The following GSX1 variants were observed in gnomAD, a reference collection of about 807,000 sequenced individuals.
The protein encoded by GSX1 is GS homeobox 1.
Under a neutral mutation model 17.7 loss-of-function variants are expected in GSX1, and 13 were observed. The observed-to-expected ratio is 0.74, with a 90% CI of 0.48 to 1.17. The LOEUF (loss-of-function observed/expected upper bound fraction) is 1.17. Among genes scored for constraint, GSX1 ranks in the 50% most tolerant of loss-of-function variants. GSX1 has a pLI of 0.00. For synonymous variants in GSX1, 202 were observed against 176.2 expected (o/e 1.15, Z -1.16); for missense variants, 371 against 372.1 (o/e 1.00, Z 0.02).
At position 27,793,112 on chromosome 13, in the gene GSX1, G is replaced by A; in HGVS notation, c.412+10G>A. On this transcript the variant is annotated intron_variant, in intron 1 of 1. Coordinates refer to ENST00000302945, the MANE Select transcript of GSX1 (RefSeq NM_145657.3). This position sits in a 1 kb window ranked among gnomAD's most constrained non-coding sequence, Gnocchi z 6.2. ...CACTGCATCTCTGTGGGTAAGCGGGGCCGCCGCGCAGAGGGACCGGGCAGA... is the reference window on the plus strand; with the variant it reads ...CACTGCATCTCTGTGGGTAAGCGGGACCGCCGCGCAGAGGGACCGGGCAGA... 1 of 1,525,272 alleles carries A rather than the reference G, an allele frequency of 6.6e-7. No homozygotes were observed. The highest frequency in any genetic ancestry group is 8.8e-7 in the Non-Finnish European group (1 of 1,142,628). 94.5% of individuals were successfully genotyped at this position (1,525,272 alleles called of 1,614,324 possible).
rs751775480 is a variant in GSX1 at position 27,793,810 on chromosome 13, C to A, written c.657C>A (p.Ala219=). The A allele has an allele frequency of 3.1e-6, 5 of 1,613,322 alleles. No individual in the cohort carries two copies. In the African/African-American group the frequency reaches 5.3e-5, roughly 17 times the overall value. Residue 219 remains alanine (A), a synonymous_variant, in exon 2 of 2, where the codon GCC becomes GCA. Transcript: ENST00000302945. This position sits in a 1 kb window ranked among gnomAD's most constrained non-coding sequence, Gnocchi z 6.2. The part of the protein sequence containing the change: ...SNHRGGGGGG[A]GGGGSAPQGC... The stretch of plus-strand genomic sequence containing the variant: ...ATCGTGGCGGCGGCGGCGGGGGTGC[C>A]GGTGGTGGCGGGAGCGCACCGCAAG...
Position 27,792,660 on chromosome 13 carries a change from G to T in GSX1, c.-31G>T. On this transcript the variant is annotated 5_prime_UTR_variant, in exon 1 of 2. Transcript: ENST00000302945. ...AAGGTGCGGTGGGCGCAGAGGGCGG[G>T]CTGGCTGCGGGGCGACCGCGCGCCG... is the stretch of plus-strand genomic sequence containing the variant. 1 of 1,350,994 alleles carries T rather than the reference G, an allele frequency of 7.4e-7. No homozygotes were observed. Among genetic ancestry groups the T allele is most frequent in the Non-Finnish European group, 9.4e-7 (1 of 1,059,046 alleles). 83.7% of individuals were successfully genotyped at this position (1,350,994 alleles called of 1,614,324 possible). A position where few individuals can be genotyped will look rare whatever the true frequency, so the allele number is the denominator to read the frequency against.
Position 27,793,184 on chromosome 13 carries a change from C to T in GSX1, c.412+82C>T, listed in dbSNP as rs1424391634. 2.2e-6 allele frequency: 3 copies of T among 1,380,584 alleles called. No homozygotes were observed. Among genetic ancestry groups the T allele is most frequent in the Admixed American group, 2.9e-5 (1 of 34,584 alleles). 85.5% of individuals were successfully genotyped at this position (1,380,584 alleles called of 1,614,324 possible). ...GAGCCAGAGATGGAGGAAGAGGGAC[C>T]CTGGGCTTTCTGGGGGCGGTGAGGG... is the stretch of plus-strand genomic sequence containing the variant. On this transcript the variant is annotated intron_variant, in intron 1 of 1. Transcript: ENST00000302945. The surrounding 1 kb of genome is among the most constrained non-coding windows in gnomAD (Gnocchi z 6.2).
At position 27,793,705 on chromosome 13, in the gene GSX1, G is replaced by A. The variant is rs1211656327; in HGVS notation, c.552G>A (p.Leu184=). 1 of 1,614,202 alleles carries A rather than the reference G, an allele frequency of 6.2e-7. No homozygotes were observed. The highest frequency in any genetic ancestry group is 8.5e-7 in the Non-Finnish European group (1 of 1,180,028). The change falls in exon 2 of 2, where the codon CTG becomes CTA. Residue 184 remains leucine, a synonymous_variant. Transcript: ENST00000302945. This position sits in a 1 kb window ranked among gnomAD's most constrained non-coding sequence, Gnocchi z 6.2. Reference sequence around the variant, plus strand: ...GTCGCATCGAGATCGCGACCTACCTGAATCTGTCCGAGAAGCAGGTGAAGA... The same window carrying A: ...GTCGCATCGAGATCGCGACCTACCTAAATCTGTCCGAGAAGCAGGTGAAGA... ...RLRRIEIATY[L]NLSEKQVKIW... is the part of the protein sequence containing the mutation.
rs1352665819 is a variant in GSX1 at position 27,793,768 on chromosome 13, G to A, written c.615G>A (p.Glu205=). The change falls in exon 2 of 2, where the codon GAG becomes GAA. Residue 205 remains glutamate (E), a synonymous_variant. Coordinates refer to ENST00000302945, the MANE Select transcript of GSX1 (RefSeq NM_145657.3). The surrounding 1 kb of genome is among the most constrained non-coding windows in gnomAD (Gnocchi z 6.2). ...ACCGCCGAGTGAAGCACAAGAAGGA[G>A]GGCAAGGGCAGCAACCATCGTGGCG... The part of the protein sequence containing the change: ...FQNRRVKHKK[E]GKGSNHRGGG... 1.2e-6 allele frequency: 2 copies of A among 1,614,206 alleles called. No individual in the cohort carries two copies. Among genetic ancestry groups the A allele is most frequent in the Non-Finnish European group, 8.5e-7 (1 of 1,180,034 alleles).
Position 27,793,849 on chromosome 13 carries a change from A to T in GSX1, c.696A>T (p.Ala232=). ...GCGCACCGCAAGGCTGCAAGTGCGCATCGCTCTCCTCAGCCAAGTGCTCCG... is the reference window on the plus strand; with the variant it reads ...GCGCACCGCAAGGCTGCAAGTGCGCTTCGCTCTCCTCAGCCAAGTGCTCCG... ...GGSAPQGCKC[A]SLSSAKCSED... Residue 232 remains alanine (A), a synonymous_variant, in exon 2 of 2, where the codon GCA becomes GCT. Transcript: ENST00000302945. The surrounding 1 kb of genome is among the most constrained non-coding windows in gnomAD (Gnocchi z 6.2). 6.2e-7 allele frequency: 1 copy of T among 1,610,452 alleles called. No individual in the cohort carries two copies.
chr13:27,793,675 C>A lies in GSX1; in HGVS notation c.522C>A (p.Arg174=). 2 of 1,614,226 alleles carry A rather than the reference C, an allele frequency of 1.2e-6. No individual in the cohort carries two copies. The highest frequency in any genetic ancestry group is 1.7e-6 in the Non-Finnish European group (2 of 1,180,042). Residue 174 remains arginine, a synonymous_variant, in exon 2 of 2, where the codon CGC becomes CGA. Transcript: ENST00000302945. This position sits in a 1 kb window ranked among gnomAD's most constrained non-coding sequence, Gnocchi z 6.2. The part of the protein sequence containing the change: ...REFASNMYLS[R]LRRIEIATYL... ...TCGCTTCTAATATGTACCTGTCCCG[C>A]CTACGTCGCATCGAGATCGCGACCT...
chr13:27,793,644 G>A lies in GSX1; in HGVS notation c.491G>A (p.Arg164His), dbSNP rs367810809. Reference protein sequence around the residue: ...FTSTQLLELEREFASNMYLSR... With the variant: ...FTSTQLLELEHEFASNMYLSR... ...AGCACGCAGCTGCTAGAGCTGGAGCGCGAGTTCGCTTCTAATATGTACCTG... is the reference window on the plus strand; with the variant it reads ...AGCACGCAGCTGCTAGAGCTGGAGCACGAGTTCGCTTCTAATATGTACCTG... Residue 164 changes from arginine to histidine, a missense_variant, in exon 2 of 2, where the codon CGC (arginine) becomes CAC (histidine). Transcript: ENST00000302945. The surrounding 1 kb of genome is among the most constrained non-coding windows in gnomAD (Gnocchi z 6.2). The A allele has an allele frequency of 4.3e-6, 7 of 1,614,076 alleles. No individual in the cohort carries two copies. The African/African-American group carries it at 5.3e-5, about 12-fold the overall frequency.
rs1957081839 is a variant in GSX1, at chr13:27,793,787, CGTGGCGGCGGCGGCGGGG to C, written c.638_655del (p.Gly213_Gly218del). The C allele has an allele frequency of 6.2e-7, 1 of 1,613,876 alleles. No homozygotes were observed. The highest frequency in any genetic ancestry group is 8.5e-7 in the Non-Finnish European group (1 of 1,179,930). ...GAAGGAGGGCAAGGGCAGCAACCATCGTGGCGGCGGCGGCGGGGGTGCCGGTGGTGGCGGGAGCGCACC... is the reference window on the plus strand; with the variant it reads ...GAAGGAGGGCAAGGGCAGCAACCATCGTGCCGGTGGTGGCGGGAGCGCACC... On this transcript the variant is annotated inframe_deletion, in exon 2 of 2. Coordinates refer to ENST00000302945, the MANE Select transcript of GSX1 (RefSeq NM_145657.3). This position sits in a 1 kb window ranked among gnomAD's most constrained non-coding sequence, Gnocchi z 6.2.
rs1008698565 is a variant in GSX1, at chr13:27,792,859, G to T, written c.169G>T (p.Val57Leu). ...CGCGCGCAAGGCTGGGCTGCTGTGC[G>T]TGTGCCCGCTCTGCGTCACCGCCTC... ...CHARKAGLLCVCPLCVTASQL... is the reference protein window; with the variant it reads ...CHARKAGLLCLCPLCVTASQL... Residue 57 changes from valine (V) to leucine (L), a missense_variant, in exon 1 of 2, where the codon GTG (valine) becomes TTG (leucine). Coordinates refer to ENST00000302945, the MANE Select transcript of GSX1 (RefSeq NM_145657.3). 14 of 1,520,090 alleles carry T rather than the reference G, an allele frequency of 9.2e-6. No individual in the cohort carries two copies. Among genetic ancestry groups the T allele is most frequent in the African/African-American group, 8.5e-5 (6 of 70,430 alleles). The allele number at this position is 1,520,090 out of a possible 1,614,324, so 94.2% of individuals were successfully genotyped here.
Position 27,792,671 on chromosome 13 carries a change from G to T in GSX1, c.-20G>T. 2.2e-6 allele frequency: 3 copies of T among 1,363,784 alleles called. No homozygotes were observed. The highest frequency in any genetic ancestry group is 2.8e-6 in the Non-Finnish European group (3 of 1,066,830). The allele number at this position is 1,363,784 out of a possible 1,614,324, so 84.5% of individuals were successfully genotyped here. On this transcript the variant is annotated 5_prime_UTR_variant, in exon 1 of 2. Coordinates refer to ENST00000302945, the MANE Select transcript of GSX1 (RefSeq NM_145657.3). ...GGCGCAGAGGGCGGGCTGGCTGCGG[G>T]GCGACCGCGCGCCGGGGCCATGCCG... is the stretch of plus-strand genomic sequence containing the variant.
In GSX1 at chr13:27,793,185, C is replaced by T. The variant is rs1392329705; in HGVS notation, c.412+83C>T. On this transcript the variant is annotated intron_variant, in intron 1 of 1. Coordinates refer to ENST00000302945, the MANE Select transcript of GSX1 (RefSeq NM_145657.3). The surrounding 1 kb of genome is among the most constrained non-coding windows in gnomAD (Gnocchi z 6.2). ...AGCCAGAGATGGAGGAAGAGGGACCCTGGGCTTTCTGGGGGCGGTGAGGGT... is the reference window on the plus strand; with the variant it reads ...AGCCAGAGATGGAGGAAGAGGGACCTTGGGCTTTCTGGGGGCGGTGAGGGT... The T allele has an allele frequency of 2.9e-6, 4 of 1,359,986 alleles. No individual in the cohort carries two copies. Among genetic ancestry groups the T allele is most frequent in the Non-Finnish European group, 9.7e-7 (1 of 1,035,704 alleles). The allele number at this position is 1,359,986 out of a possible 1,614,324, so 84.2% of individuals were successfully genotyped here.
In GSX1 at chr13:27,793,317, C is replaced by T. The variant is rs1464383497; in HGVS notation, c.412+215C>T. Among the ~76,000 whole-genome samples, 1 of 151,890 alleles carries T rather than the reference C, an allele frequency of 6.6e-6. No homozygotes were observed. The highest frequency in any genetic ancestry group is 2.4e-5 in the African/African-American group (1 of 41,318). The stretch of plus-strand genomic sequence containing the variant: ...GACGTCCAGGTCCTGGAGTGTGGGC[C>T]GGGGTAAGTGAGGGCTGGGATCCAA... On this transcript the variant is annotated intron_variant, in intron 1 of 1. Coordinates refer to ENST00000302945, the MANE Select transcript of GSX1 (RefSeq NM_145657.3). This position sits in a 1 kb window ranked among gnomAD's most constrained non-coding sequence, Gnocchi z 6.2.
In GSX1 at chr13:27,793,782, AC is replaced by A. The variant is rs1409450534; in HGVS notation, c.631del (p.His211IlefsTer60). 1 of 1,613,904 alleles carries A rather than the reference AC, an allele frequency of 6.2e-7. No individual in the cohort carries two copies. Among genetic ancestry groups the A allele is most frequent in the East Asian group, 2.2e-5 (1 of 44,872 alleles). ...VKHKKEGKGS[N>X]HRGGGGGGAG... Reference sequence around the variant, plus strand: ...CACAAGAAGGAGGGCAAGGGCAGCAACCATCGTGGCGGCGGCGGCGGGGGTG... The same window carrying A: ...CACAAGAAGGAGGGCAAGGGCAGCAACATCGTGGCGGCGGCGGCGGGGGTG... On this transcript the variant is annotated frameshift_variant, in exon 2 of 2. Coordinates refer to ENST00000302945, the MANE Select transcript of GSX1 (RefSeq NM_145657.3). LOFTEE classifies it high-confidence loss of function. This position sits in a 1 kb window ranked among gnomAD's most constrained non-coding sequence, Gnocchi z 6.2.
At position 27,793,899 on chromosome 13, in the gene GSX1, C is replaced by A. The variant is rs756810752; in HGVS notation, c.746C>A (p.Ser249Tyr). ...GAGGATGACGACGAATTGCCCATGT[C>A]TCCGTCCTCCTCAGGGAAGGACGAC... Reference protein sequence around the residue: ...CSEDDDELPMSPSSSGKDDRD... With the variant: ...CSEDDDELPMYPSSSGKDDRD... The change falls in exon 2 of 2, where the codon TCT becomes TAT. Residue 249 changes from serine (S) to tyrosine (Y), a missense_variant. Ser to Tyr is a moderately radical substitution (Grantham distance 144). This residue lies in a region of GSX1 where 92 missense variants were observed against 70.0 expected (regional missense o/e 1.31). Coordinates refer to ENST00000302945, the MANE Select transcript of GSX1 (RefSeq NM_145657.3). This position sits in a 1 kb window ranked among gnomAD's most constrained non-coding sequence, Gnocchi z 6.2. 6 of 1,578,990 alleles carry A rather than the reference C, an allele frequency of 3.8e-6. No individual in the cohort carries two copies. The African/African-American group carries it at 5.4e-5, about 14-fold the overall frequency.
rs1385255827 is a variant in GSX1 at position 27,792,730 on chromosome 13, G to A, written c.40G>A (p.Glu14Lys). 3 of 1,477,502 alleles carry A rather than the reference G, an allele frequency of 2.0e-6. No homozygotes were observed. Among genetic ancestry groups the A allele is most frequent in the African/African-American group, 1.5e-5 (1 of 68,086 alleles). 91.5% of individuals were successfully genotyped at this position (1,477,502 alleles called of 1,614,324 possible). A position where few individuals can be genotyped will look rare whatever the true frequency, so the allele number is the denominator to read the frequency against. ...SFLVDSLVLR[E>K]AGEKKAPEGS... ...CCTGGTGGACTCGCTAGTGCTGCGCGAGGCGGGCGAGAAGAAGGCGCCCGA... is the reference window on the plus strand; with the variant it reads ...CCTGGTGGACTCGCTAGTGCTGCGCAAGGCGGGCGAGAAGAAGGCGCCCGA... The change falls in exon 1 of 2, where the codon GAG (glutamate) becomes AAG (lysine). Residue 14 changes from glutamate to lysine, a missense_variant. Around this residue, in one of 3 missense-constraint regions of GSX1, gnomAD observed 212 missense variants for 193.9 expected, o/e 1.09. Transcript: ENST00000302945.
rs776582958 is a variant in GSX1, at chr13:27,793,005, G to T, written c.315G>T (p.Gly105=). The part of the protein sequence containing the change: ...LGRQHSAVSP[G]VAHGPAAAAA... ...GCCAGCACTCTGCTGTGTCGCCCGG[G>T]GTCGCTCACGGCCCGGCCGCCGCTG... Residue 105 remains glycine, a synonymous_variant, in exon 1 of 2, where the codon GGG becomes GGT. Transcript: ENST00000302945. The surrounding 1 kb of genome is among the most constrained non-coding windows in gnomAD (Gnocchi z 6.2). 10 of 1,573,196 alleles carry T rather than the reference G, an allele frequency of 6.4e-6. No individual in the cohort carries two copies. The highest frequency in any genetic ancestry group is 1.1e-5 in the South Asian group (1 of 87,590).
At position 27,792,953 on chromosome 13, in the gene GSX1, C is replaced by T. The variant is rs1191099844; in HGVS notation, c.263C>T (p.Ser88Leu). The T allele has an allele frequency of 4.5e-6, 7 of 1,540,230 alleles. No homozygotes were observed. The highest frequency in any genetic ancestry group is 6.1e-6 in the Non-Finnish European group (7 of 1,148,546). Reference protein sequence around the residue: ...LLKASFPPFGSQYCHAPLGRQ... With the variant: ...LLKASFPPFGLQYCHAPLGRQ... ...AAGGCTTCCTTCCCACCCTTCGGCT[C>T]GCAGTACTGCCACGCGCCCCTGGGC... The change falls in exon 1 of 2, where the codon TCG becomes TTG. Residue 88 changes from serine to leucine, a missense_variant. Coordinates refer to ENST00000302945, the MANE Select transcript of GSX1 (RefSeq NM_145657.3).
At position 27,793,190 on chromosome 13, in the gene GSX1, C is replaced by T; in HGVS notation, c.412+88C>T. On this transcript the variant is annotated intron_variant, in intron 1 of 1. Coordinates refer to ENST00000302945, the MANE Select transcript of GSX1 (RefSeq NM_145657.3). This position sits in a 1 kb window ranked among gnomAD's most constrained non-coding sequence, Gnocchi z 6.2. ...GAGATGGAGGAAGAGGGACCCTGGG[C>T]TTTCTGGGGGCGGTGAGGGTCATGT... The T allele has an allele frequency of 7.4e-7, 1 of 1,354,274 alleles. No homozygotes were observed. The highest frequency in any genetic ancestry group is 9.7e-7 in the Non-Finnish European group (1 of 1,030,758). The allele number at this position is 1,354,274 out of a possible 1,614,324, so 83.9% of individuals were successfully genotyped here.
Sources: gnomAD v4.1 joint callset for allele counts (sites outside exome capture counted in the v4.1 genomes callset) on GRCh38, gnomAD v4.1.1 for gene constraint, gnomAD v4.1.1 regional missense constraint, Gnocchi (gnomAD v3.1) non-coding constraint, MANE v1.5 for transcripts, NCBI Gene and HGNC (gene_info 2026-07-23, HGNC 2026-07-21) for gene names.